Variants in DCDC1 observed in about 807,000 individuals in gnomAD.
The protein encoded by DCDC1 is doublecortin domain containing 1.
DCDC1 carries 200 observed loss-of-function variants against 178.3 expected under a neutral mutation model. The ratio of observed to expected loss-of-function variants is 1.12; its 90% CI spans 1.00 to 1.26. The LOEUF is 1.26. Ranked by LOEUF, DCDC1 falls within the 50% of genes most tolerant of loss-of-function variation. The pLI, the probability that DCDC1 is intolerant of heterozygous loss-of-function variation, is 0.00. For synonymous variants in DCDC1, 690 were observed against 604.8 expected (o/e 1.14, Z -2.07); for missense variants, 1,983 against 1,749.2 (o/e 1.13, Z -2.38).
intron 22 of DCDC1, among the ~76,000 whole-genome samples, chr11:30,927,910 T>A (rs1455031762): frequency 6.6e-6 from 1 of 151,522 alleles, no homozygotes; most frequent in Admixed American, 6.7e-5. Context: ...TCAGCAGTGA[T>A]CTAATTCTTG....
At chr11:31,220,627 G>T (rs1974158498) in intron 9 of DCDC1, among the ~76,000 whole-genome samples, 1 of 152,094 alleles carries the variant, frequency 6.6e-6, no homozygotes, top group South Asian at 2.1e-4. Context: ...TTTTATGTAA[G>T]ACAAATCAAC....
At chr11:31,218,114 A>AG (rs1319516477) in intron 9 of DCDC1, among the ~76,000 whole-genome samples, 26 of 152,036 alleles carry the variant, frequency 1.7e-4, no homozygotes, top group Admixed American at 7.2e-4. Flanking sequence ...ATTTGCTTTA[A>AG]GAAAAAAAAA....
At position 30,929,140 on chromosome 11, in the gene DCDC1, C is replaced by A. The variant is rs375404312; in HGVS notation, c.2897+2631G>T. Among the ~76,000 whole-genome samples, 5 of 152,136 alleles carry A rather than the reference C, an allele frequency of 3.3e-5. No individual in the cohort carries two copies. The South Asian group carries it at 8.3e-4, about 25-fold the overall frequency. The stretch of plus-strand genomic sequence containing the variant: ...ACTAACCATTCATTCGTTCAGTAGT[C>A]ACTAATTTAAGGCCTATGTAGGCCC... On this transcript the variant is annotated intron_variant, in intron 22 of 38. Coordinates refer to ENST00000684477, the MANE Select transcript of DCDC1 (RefSeq NM_001387274.1).
intron 9 of DCDC1, among the ~76,000 whole-genome samples, chr11:31,211,722 T>G (rs538062984): frequency 6.6e-6 from 1 of 152,160 alleles, no homozygotes; most frequent in African/African-American, 2.4e-5. Flanking sequence ...TAAGCAGTTA[T>G]AGTTTACGTT....
intron 9 of DCDC1, among the ~76,000 whole-genome samples, chr11:31,222,308 C>A (rs144152290): frequency 6.6e-6 from 1 of 152,092 alleles, no homozygotes; most frequent in Non-Finnish European, 1.5e-5. Context: ...AGGTGATCCA[C>A]CCACCTCAGC....
At chr11:31,341,809 CTA>C (rs1950560823) in intron 1 of DCDC1, among the ~76,000 whole-genome samples, 1 of 66,820 alleles carries the variant, frequency 1.5e-5, no homozygotes, top group Non-Finnish European at 2.8e-5. Flanking sequence ...CAATGCATGA[CTA>C]TACACACACA....
intron 33 of DCDC1, 44 bp from the exon 34 acceptor site, chr11:30,899,686 T>C: frequency 7.6e-7 from 1 of 1,313,180 alleles, no homozygotes; most frequent in East Asian, 2.6e-5. Context: ...CAGTAATTTA[T>C]CACGCGCACC....
At chr11:31,040,628 T>A (rs288466) in intron 20 of DCDC1, among the ~76,000 whole-genome samples, 74,289 of 152,002 alleles carry the variant, frequency 0.49, 18,414 homozygotes, top group Middle Eastern at 0.57. Context: ...TTTGCACCAA[T>A]AAATTGCTAT....
rs1173633760 is a variant in DCDC1, at chr11:31,236,303, C to A, written c.1221+5147G>T. On this transcript the variant is annotated intron_variant, in intron 9 of 38. Coordinates refer to ENST00000684477, the MANE Select transcript of DCDC1 (RefSeq NM_001387274.1). ...ATTGTCACAGTCGATCTCCACATAT[C>A]CTCTTTATCAACATTTTATGTGCCA... Among the ~76,000 whole-genome samples the A allele has an allele frequency of 2.0e-5, 3 of 151,958 alleles. No individual in the cohort carries two copies. In the East Asian group the frequency reaches 5.8e-4, roughly 29 times the overall value.
chr11:31,344,432 C>T (rs906417817), intron 1 of DCDC1, among the ~76,000 whole-genome samples: 1 of 152,276 alleles, frequency 6.6e-6, no homozygotes, highest in East Asian at 1.9e-4. Flanking sequence ...CATTCCTGTC[C>T]TTAGTGGTTG....
chr11:31,114,004 C>A lies in DCDC1; in HGVS notation c.1486-3643G>T, dbSNP rs562385564. On this transcript the variant is annotated intron_variant, in intron 11 of 38. Transcript: ENST00000684477. ...ACCACCCACCCACATACTTTTGGTG[C>A]CAGGCACTCTAGTGCACCAATCAGA... 1.6e-4 allele frequency among the ~76,000 whole-genome samples: 25 copies of A among 152,242 alleles called. No individual in the cohort carries two copies. The South Asian group carries it at 4.8e-3, about 29-fold the overall frequency.
chr11:30,997,318 C>A (rs566865982), intron 20 of DCDC1, among the ~76,000 whole-genome samples: 1 of 152,192 alleles, frequency 6.6e-6, no homozygotes, highest in Non-Finnish European at 1.5e-5. Context: ...TGAAGAGTGG[C>A]TTTTACTGTC....
intron 20 of DCDC1, among the ~76,000 whole-genome samples, chr11:31,060,853 T>C (rs1245470705): frequency 1.3e-5 from 2 of 152,172 alleles, no homozygotes; most frequent in Admixed American, 1.3e-4. Flanking sequence ...AAGTTTGCTG[T>C]TTTATTAGTT....
At chr11:31,128,542 T>C (rs968029327) in intron 10 of DCDC1, among the ~76,000 whole-genome samples, 1 of 152,166 alleles carries the variant, frequency 6.6e-6, no homozygotes, top group African/African-American at 2.4e-5. Context: ...CCATAAGAGA[T>C]GAAAAACAGA....
intron 1 of DCDC1, among the ~76,000 whole-genome samples, chr11:31,360,317 C>T (rs1951641804): frequency 6.6e-6 from 1 of 152,156 alleles, no homozygotes; most frequent in Admixed American, 6.6e-5. Context: ...AAACCAACTC[C>T]TCTAAAGAAA....
intron 2 of DCDC1, among the ~76,000 whole-genome samples, chr11:31,334,671 A>G (rs1386251232): frequency 6.6e-6 from 1 of 152,172 alleles, no homozygotes; most frequent in Non-Finnish European, 1.5e-5. Flanking sequence ...GTTTGCTGGA[A>G]GTCCACTCCA....
At chr11:31,153,913 G>A (rs557722735) in intron 9 of DCDC1, among the ~76,000 whole-genome samples, 1 of 151,282 alleles carries the variant, frequency 6.6e-6, no homozygotes, top group East Asian at 2.0e-4. Flanking sequence ...TCAAACTGTT[G>A]CTCTGCCTAT....
intron 17 of DCDC1, among the ~76,000 whole-genome samples, chr11:31,078,440 A>G (rs1956991117): frequency 6.6e-6 from 1 of 152,236 alleles, no homozygotes; most frequent in African/African-American, 2.4e-5. Context: ...AATTATGCCT[A>G]AATTAACTAA....
Position 31,137,705 on chromosome 11 carries a change from T to TTA in DCDC1, c.1299_1300dup (p.Lys434IlefsTer7). ...TAATTTCCTTACTTCTTCCTGTTCC[T>TTA]TATGGTGTTCCTTTGCCGTCATTGA... On this transcript the variant is annotated frameshift_variant, in exon 10 of 39. Coordinates refer to ENST00000684477, the MANE Select transcript of DCDC1 (RefSeq NM_001387274.1). LOFTEE classifies it high-confidence loss of function. The TTA allele has an allele frequency of 1.4e-6, 1 of 702,868 alleles. No individual in the cohort carries two copies. Among genetic ancestry groups the TTA allele is most frequent in the Non-Finnish European group, 2.6e-6 (1 of 384,940 alleles). 43.5% of individuals were successfully genotyped at this position (702,868 alleles called of 1,614,324 possible). A position where few individuals can be genotyped will look rare whatever the true frequency, so the allele number is the denominator to read the frequency against.
Sources: allele counts gnomAD v4.1 joint callset (sites outside exome capture counted in the v4.1 genomes callset), GRCh38; gene constraint gnomAD v4.1.1; transcripts MANE v1.5; gene names NCBI Gene and HGNC (gene_info 2026-07-23, HGNC 2026-07-21).